Variants in OTULINL observed in about 807,000 individuals in gnomAD.
OTULINL encodes inactive ubiquitin thioesterase OTULINL.
A neutral mutation model predicts 43.9 loss-of-function variants in OTULINL; 42 were observed. The ratio of observed to expected loss-of-function variants is 0.96; its 90% confidence interval spans 0.75 to 1.24. The LOEUF is 1.24. Ranked by LOEUF, OTULINL falls within the 50% of genes most tolerant of loss-of-function variation. OTULINL has a pLI of 0.00. For missense variants in OTULINL, 411 were observed against 426.4 expected, an observed-to-expected ratio of 0.96 and a Z score of 0.32; for synonymous variants, 172 against 153.6, an observed-to-expected ratio of 1.12 and a Z score of -0.88.
rs1288829434 is a variant in OTULINL at position 14,611,074 on chromosome 5, A to C, written c.*760A>C. The C allele has an allele frequency of 2.0e-5, 3 of 152,214 alleles. No individual in the cohort carries two copies. The highest frequency in any genetic ancestry group is 7.2e-5 in the African/African-American group (3 of 41,458). The allele number at this position is 152,214 out of a possible 1,614,324, so 9.4% of individuals were successfully genotyped here. On this transcript the variant is annotated 3_prime_UTR_variant, in exon 8 of 8. Transcript: ENST00000274217. ...GTTATTGAACTATCACAAAACTATT[A>C]AACTGTGGTACATTTAATGTGTATT...
rs536653353 is a variant in OTULINL, at chr5:14,608,941, G to A, written c.821G>A (p.Arg274Lys). 3.7e-6 allele frequency: 6 copies of A among 1,614,156 alleles called. 1 individual carries two copies. The South Asian group carries it at 6.6e-5, about 18-fold the overall frequency. The change falls in exon 7 of 8, where the codon AGG becomes AAG. Residue 274 changes from arginine to lysine, a missense_variant. Physicochemically the swap from Arg to Lys is conservative, Grantham distance 26 (BLOSUM62 2). Coordinates refer to ENST00000274217, the MANE Select transcript of OTULINL (RefSeq NM_019018.3). Reference protein sequence around the residue: ...IPSLFRLLFSRETSSDPLSFM... With the variant: ...IPSLFRLLFSKETSSDPLSFM... ...AGTCTTTTTAGACTCCTGTTTTCCA[G>A]GGAGACATCCTCTGATCCTTTGAGC...
chr5:14,588,415 A>G (rs1440931480), intron 1 of OTULINL, among the ~76,000 whole-genome samples: 1 of 152,010 alleles, frequency 6.6e-6, no homozygotes. Flanking sequence ...CCTTGAAACC[A>G]TCCTACTAGA....
Position 14,610,443 on chromosome 5 carries a change from TAC to T in OTULINL, c.*132_*133del. Reference sequence around the variant, plus strand: ...AGGACCTTTTCTTCAGGATTACAGGTACACTGGATGCAGCCATGCATGGATGG... The same window carrying T: ...AGGACCTTTTCTTCAGGATTACAGGTACTGGATGCAGCCATGCATGGATGG... On this transcript the variant is annotated 3_prime_UTR_variant, in exon 8 of 8. Coordinates refer to ENST00000274217, the MANE Select transcript of OTULINL (RefSeq NM_019018.3). 1 of 900,516 alleles carries T rather than the reference TAC, an allele frequency of 1.1e-6. No individual in the cohort carries two copies. Among genetic ancestry groups the T allele is most frequent in the Non-Finnish European group, 1.7e-6 (1 of 599,812 alleles). 55.8% of individuals were successfully genotyped at this position (900,516 alleles called of 1,614,324 possible).
In OTULINL at chr5:14,610,711, T is replaced by C. The variant is rs1759567112; in HGVS notation, c.*397T>C. The stretch of plus-strand genomic sequence containing the variant: ...TTTATGTTCTTCATTAAAAATCTTA[T>C]CTTGGACTGATTTGAGGGATTTTTA... On this transcript the variant is annotated 3_prime_UTR_variant, in exon 8 of 8. Transcript: ENST00000274217. 1.9e-5 allele frequency: 3 copies of C among 158,802 alleles called. No individual in the cohort carries two copies. Among genetic ancestry groups the C allele is most frequent in the Admixed American group, 1.2e-4 (2 of 16,450 alleles). The allele number at this position is 158,802 out of a possible 1,614,324, so 9.8% of individuals were successfully genotyped here.
intron 1 of OTULINL, among the ~76,000 whole-genome samples, chr5:14,599,751 T>G (rs1160118522): frequency 1.3e-5 from 2 of 152,230 alleles, no homozygotes; most frequent in African/African-American, 4.8e-5. Flanking sequence ...TTTTATGTGC[T>G]CAAACATAAT....
rs1028259966 is a variant in OTULINL at position 14,612,856 on chromosome 5, T to C, written c.*2542T>C. On this transcript the variant is annotated 3_prime_UTR_variant, in exon 8 of 8. Coordinates refer to ENST00000274217, the MANE Select transcript of OTULINL (RefSeq NM_019018.3). ...GCCTTACGTGTCCATACTGAGGGGT[T>C]GTATGCATATTAGTACAAGGCTGAC... 4.6e-5 allele frequency: 7 copies of C among 152,328 alleles called. No individual in the cohort carries two copies. The highest frequency in any genetic ancestry group is 1.7e-4 in the African/African-American group (7 of 41,582). 9.4% of individuals were successfully genotyped at this position (152,328 alleles called of 1,614,324 possible).
chr5:14,613,009 A>T lies in OTULINL; in HGVS notation c.*2695A>T, dbSNP rs900896292. Among the ~76,000 whole-genome samples, 1 of 151,836 alleles carries T rather than the reference A, an allele frequency of 6.6e-6. No homozygotes were observed. ...ACAATCTCGGCTCACTGCAACCTCT[A>T]CCTCCCAGGTTCAAGCGATTCTCCT... On this transcript the variant is annotated 3_prime_UTR_variant, in exon 8 of 8. Transcript: ENST00000274217.
At position 14,609,004 on chromosome 5, in the gene OTULINL, G is replaced by C. The variant is rs1295029082; in HGVS notation, c.884G>C (p.Cys295Ser). 1.2e-6 allele frequency: 2 copies of C among 1,612,058 alleles called. No individual in the cohort carries two copies. Among genetic ancestry groups the C allele is most frequent in the Non-Finnish European group, 1.7e-6 (2 of 1,178,768 alleles). ...MNHLNSVGDT[C>S]GLEQIDMFIL... ...CACCTGAATTCTGTAGGCGACACATGTGGACTAGAGCAGGTAACCGGGGAG... is the reference window on the plus strand; with the variant it reads ...CACCTGAATTCTGTAGGCGACACATCTGGACTAGAGCAGGTAACCGGGGAG... Residue 295 changes from cysteine to serine, a missense_variant, in exon 7 of 8, where the codon TGT becomes TCT. By Grantham distance (112) the Cys-to-Ser change is moderately radical. Coordinates refer to ENST00000274217, the MANE Select transcript of OTULINL (RefSeq NM_019018.3).
At chr5:14,585,148 G>A (rs997523844) in intron 1 of OTULINL, among the ~76,000 whole-genome samples, 1 of 152,092 alleles carries the variant, frequency 6.6e-6, no homozygotes, top group African/African-American at 2.4e-5. Context: ...TAGAGGGGGC[G>A]CTGGTGGTAG....
Position 14,581,946 on chromosome 5 carries a change from G to T in OTULINL, c.52G>T (p.Ala18Ser). The change falls in exon 1 of 8, where the codon GCT becomes TCT. Residue 18 changes from alanine (A) to serine (S), a missense_variant. Physicochemically the swap from Ala to Ser is moderately conservative, Grantham distance 99. Coordinates refer to ENST00000274217, the MANE Select transcript of OTULINL (RefSeq NM_019018.3). The stretch of plus-strand genomic sequence containing the variant: ...GGCAAGGGAGCGGGAGCGGTCTGGC[G>T]CTCCCGCCGCAGGTGAGCCTGGGGC... ...TRARERERSG[A>S]PAAGSDQVHS... 5 of 1,366,976 alleles carry T rather than the reference G, an allele frequency of 3.7e-6. No homozygotes were observed. Among genetic ancestry groups the T allele is most frequent in the East Asian group, 3.2e-5 (1 of 31,224 alleles). The allele number at this position is 1,366,976 out of a possible 1,614,324, so 84.7% of individuals were successfully genotyped here.
At chr5:14,582,901 C>G (rs1759039683) in intron 1 of OTULINL, among the ~76,000 whole-genome samples, 1 of 151,856 alleles carries the variant, frequency 6.6e-6, no homozygotes, top group Non-Finnish European at 1.5e-5. Context: ...CTCGACGTCT[C>G]CACCCGCTGG....
chr5:14,591,449 C>A (rs1759199822), intron 1 of OTULINL, among the ~76,000 whole-genome samples: 2 of 152,074 alleles, frequency 1.3e-5, no homozygotes, highest in South Asian at 4.2e-4. Flanking sequence ...GAGGGCAGGC[C>A]CAAGGATTCC....
intron 6 of OTULINL, 105 bp downstream of exon 6, chr5:14,607,563 A>G: frequency 7.3e-7 from 1 of 1,377,062 alleles, no homozygotes; most frequent in African/African-American, 1.5e-5. Context: ...TTAGGAAAGT[A>G]AGAAGTGCAA....
chr5:14,610,579 G>A lies in OTULINL; in HGVS notation c.*265G>A, dbSNP rs1454063570. 3.1e-6 allele frequency: 1 copy of A among 324,340 alleles called. No individual in the cohort carries two copies. The highest frequency in any genetic ancestry group is 5.8e-6 in the Non-Finnish European group (1 of 173,444). 20.1% of individuals were successfully genotyped at this position (324,340 alleles called of 1,614,324 possible). On this transcript the variant is annotated 3_prime_UTR_variant, in exon 8 of 8. Coordinates refer to ENST00000274217, the MANE Select transcript of OTULINL (RefSeq NM_019018.3). ...GGCGTGGCCACTTCACATGATGGCG[G>A]GCCTTTAAGAGCACAAAGAAGTTTA...
rs1759656231 is a variant in OTULINL at position 14,615,375 on chromosome 5, G to C, written c.*5061G>C. 7.7e-6 allele frequency among the ~76,000 whole-genome samples: 1 copy of C among 129,460 alleles called. No individual in the cohort carries two copies. Among genetic ancestry groups the C allele is most frequent in the African/African-American group, 3.1e-5 (1 of 32,724 alleles). 84.9% of individuals were successfully genotyped at this position (129,460 alleles called of 152,430 possible). A position where few individuals can be genotyped will look rare whatever the true frequency, so the allele number is the denominator to read the frequency against. On this transcript the variant is annotated 3_prime_UTR_variant, in exon 8 of 8. Transcript: ENST00000274217. ...CCAGCATGTACCTGGACTTCCTTTG[G>C]GTGCCGGCTTTTCTGCTGGACTAAG...
At position 14,588,067 on chromosome 5, in the gene OTULINL, C is replaced by T. The variant is rs562297968; in HGVS notation, c.64+6109C>T. Reference sequence around the variant, plus strand: ...GGACCCAGCATGAACTTCCAAGGGTCGGGGTATTTGCTGGCATTTGTCAAG... The same window carrying T: ...GGACCCAGCATGAACTTCCAAGGGTTGGGGTATTTGCTGGCATTTGTCAAG... On this transcript the variant is annotated intron_variant, in intron 1 of 7. Transcript: ENST00000274217. 3.3e-5 allele frequency among the ~76,000 whole-genome samples: 5 copies of T among 152,168 alleles called. No homozygotes were observed. The South Asian group carries it at 6.2e-4, about 19-fold the overall frequency.
chr5:14,602,783 C>T (rs915246761), intron 5 of OTULINL, among the ~76,000 whole-genome samples: 1 of 152,194 alleles, frequency 6.6e-6, no homozygotes, highest in Non-Finnish European at 1.5e-5. Context: ...TCTCTCATGT[C>T]AGTTGCAAAT....
intron 1 of OTULINL, among the ~76,000 whole-genome samples, chr5:14,596,035 G>A (rs1354589629): frequency 6.6e-6 from 1 of 152,094 alleles, no homozygotes; most frequent in African/African-American, 2.4e-5. Context: ...CATAATTTCT[G>A]GCAACACTGC....
intron 1 of OTULINL, among the ~76,000 whole-genome samples, chr5:14,582,365 C>A (rs1263934349): frequency 6.6e-6 from 1 of 152,000 alleles, no homozygotes; most frequent in Non-Finnish European, 1.5e-5. Flanking sequence ...ACCCGCGGGG[C>A]CCCGTGTCCT....
Sources: allele counts gnomAD v4.1 joint callset (sites outside exome capture counted in the v4.1 genomes callset), GRCh38; gene constraint gnomAD v4.1.1; transcripts MANE v1.5; gene names NCBI Gene and HGNC (gene_info 2026-07-23, HGNC 2026-07-21).